The following DLGAP2 variants were observed in gnomAD, a reference collection of about 807,000 sequenced individuals.
The protein encoded by DLGAP2 is disks large-associated protein 2.
Under a neutral mutation model 100.3 loss-of-function variants are expected in DLGAP2, and 26 were observed. The observed-to-expected ratio is 0.26, with a 90% CI of 0.19 to 0.36. The LOEUF is 0.36. Among genes scored for constraint, DLGAP2 ranks in the 10% least tolerant of loss-of-function variants. DLGAP2 has a pLI of 1.00. For synonymous variants in DLGAP2, 886 were observed against 630.1 expected (o/e 1.41, Z -6.08); for missense variants, 1,858 against 1,453.2 (o/e 1.28, Z -4.53).
chr8:1,169,779 TG>T (rs1345436738), intron 2 of DLGAP2, among the ~76,000 whole-genome samples: 1 of 151,866 alleles, frequency 6.6e-6, no homozygotes, highest in Non-Finnish European at 1.5e-5. Flanking sequence ...AAGGAGATTT[TG>T]GGCTGAGACA....
intron 2 of DLGAP2, among the ~76,000 whole-genome samples, chr8:1,190,418 ATCTG>A (rs1563242252): frequency 6.6e-6 from 1 of 151,798 alleles, no homozygotes; most frequent in East Asian, 1.9e-4. Context: ...CTGTTGGGGC[ATCTG>A]CTGTTGGGGC....
intron 2 of DLGAP2, among the ~76,000 whole-genome samples, chr8:919,711 C>G (rs1211223809): frequency 6.6e-6 from 1 of 152,152 alleles, no homozygotes; most frequent in African/African-American, 2.4e-5. Flanking sequence ...GAAAGACCAG[C>G]CTGCATGGGG....
chr8:993,778 A>C (rs1237524358), intron 2 of DLGAP2, among the ~76,000 whole-genome samples: 1 of 143,878 alleles, frequency 7.0e-6, no homozygotes, highest in African/African-American at 2.6e-5. Flanking sequence ...ATGCAAGCAA[A>C]CTGATTGGCT....
intron 2 of DLGAP2, among the ~76,000 whole-genome samples, chr8:981,767 C>G (rs1057433401): frequency 4.6e-5 from 7 of 152,144 alleles, no homozygotes; most frequent in Non-Finnish European, 1.0e-4. Context: ...AATTGGTTTG[C>G]TAATGTGTTG....
rs993368849 is a variant in DLGAP2 at position 1,539,141 on chromosome 8, C to T, written c.173-9485C>T. Among the ~76,000 whole-genome samples the T allele has an allele frequency of 3.3e-5, 5 of 152,290 alleles. No individual in the cohort carries two copies. In the East Asian group the frequency reaches 9.6e-4, roughly 29 times the overall value. ...CCTCAAGTGATCCACCTGCCTCAGC[C>T]TCCTAAAGTGCTGGGATTCCAGGCA... On this transcript the variant is annotated intron_variant, in intron 4 of 14. Transcript: ENST00000637795.
rs149423589 is a variant in DLGAP2 at position 1,209,897 on chromosome 8, C to G, written c.74-48954C>G. Among the ~76,000 whole-genome samples the G allele has an allele frequency of 3.7e-3, 567 of 152,284 alleles. 2 individuals carry two copies. The highest frequency in any genetic ancestry group is 0.013 in the African/African-American group (543 of 41,564). On this transcript the variant is annotated intron_variant, in intron 2 of 14. Coordinates refer to ENST00000637795, the MANE Select transcript of DLGAP2 (RefSeq NM_001346810.2). ...TCCTACCCCCTCGTAATCCCACCTC[C>G]CTCCCTGAGAAACGGCGTGTCATCA... is the stretch of plus-strand genomic sequence containing the variant.
At chr8:1,514,446 A>G (rs1800289879) in intron 4 of DLGAP2, among the ~76,000 whole-genome samples, 1 of 152,274 alleles carries the variant, frequency 6.6e-6, no homozygotes, top group African/African-American at 2.4e-5. Context: ...TATAAAATTC[A>G]GCTACTGTAT....
At chr8:1,455,141 G>A (rs1798272788) in intron 3 of DLGAP2, among the ~76,000 whole-genome samples, 1 of 152,238 alleles carries the variant, frequency 6.6e-6, no homozygotes, top group African/African-American at 2.4e-5. Context: ...AACCCTGTGA[G>A]CGGCTGGTCT....
At chr8:981,088 C>G (rs1800318493) in intron 2 of DLGAP2, among the ~76,000 whole-genome samples, 1 of 152,124 alleles carries the variant, frequency 6.6e-6, no homozygotes, top group African/African-American at 2.4e-5. Context: ...CTGTCCCCTG[C>G]CCCAGACCCT....
intron 2 of DLGAP2, among the ~76,000 whole-genome samples, chr8:1,173,293 TG>T (rs1301582285): frequency 1.3e-5 from 2 of 152,170 alleles, no homozygotes; most frequent in Non-Finnish European, 2.9e-5. Flanking sequence ...CTGCCCCTAC[TG>T]GGGGGTGCCT....
At chr8:1,072,861 C>G (rs1341188957) in intron 2 of DLGAP2, among the ~76,000 whole-genome samples, 1 of 152,208 alleles carries the variant, frequency 6.6e-6, no homozygotes, top group Non-Finnish European at 1.5e-5. Flanking sequence ...TTCGGGGAGG[C>G]TGAGTGTGCC....
intron 2 of DLGAP2, among the ~76,000 whole-genome samples, chr8:1,258,604 A>AT (rs151218981): frequency 0.19 from 28,597 of 151,350 alleles, 2,769 homozygotes; most frequent in Admixed American, 0.25. Flanking sequence ...AATTAAAAAA[A>AT]ATTTTTTTTA....
At chr8:1,268,020 C>T (rs759027850) in intron 3 of DLGAP2, among the ~76,000 whole-genome samples, 3 of 152,164 alleles carry the variant, frequency 2.0e-5, no homozygotes, top group African/African-American at 4.8e-5. Flanking sequence ...TAGAGTGAAA[C>T]GGGGATGAAT....
chr8:767,909 C>T (rs1355651946), intron 1 of DLGAP2, among the ~76,000 whole-genome samples: 1 of 152,186 alleles, frequency 6.6e-6, no homozygotes, highest in Non-Finnish European at 1.5e-5. Flanking sequence ...CCAGTGATGA[C>T]ACAATAATCT....
At chr8:1,437,153 T>A (rs1425093022) in intron 3 of DLGAP2, among the ~76,000 whole-genome samples, 2 of 146,214 alleles carry the variant, frequency 1.4e-5, no homozygotes, top group African/African-American at 5.1e-5. Flanking sequence ...GGGTCTGCGT[T>A]CAGCGCAGGC....
At chr8:1,231,472 C>T (rs999296071) in intron 2 of DLGAP2, among the ~76,000 whole-genome samples, 4 of 152,076 alleles carry the variant, frequency 2.6e-5, no homozygotes, top group African/African-American at 7.2e-5. Context: ...CGCAGCAATC[C>T]CATTACTGGC....
chr8:1,423,560 G>T (rs1369867001), intron 3 of DLGAP2, among the ~76,000 whole-genome samples: 1 of 152,246 alleles, frequency 6.6e-6, no homozygotes, highest in Non-Finnish European at 1.5e-5. Flanking sequence ...TTGACTGTGA[G>T]TGGCTTTGAA....
intron 3 of DLGAP2, among the ~76,000 whole-genome samples, chr8:1,361,381 C>T (rs1317933530): frequency 6.6e-6 from 1 of 152,204 alleles, no homozygotes; most frequent in African/African-American, 2.4e-5. Flanking sequence ...ATTTATCTTT[C>T]TTAGTGCTTT....
chr8:923,942 C>T (rs1798764236), intron 2 of DLGAP2, among the ~76,000 whole-genome samples: 1 of 152,210 alleles, frequency 6.6e-6, no homozygotes, highest in Non-Finnish European at 1.5e-5. Context: ...CAGAAATTAT[C>T]TTCTGAAGAG....
Sources: gnomAD v4.1 joint callset for allele counts (sites outside exome capture counted in the v4.1 genomes callset) on GRCh38, gnomAD v4.1.1 for gene constraint, MANE v1.5 for transcripts, NCBI Gene and HGNC (gene_info 2026-07-23, HGNC 2026-07-21) for gene names.